The following TOGARAM1 variants were observed in gnomAD, a reference collection of about 807,000 sequenced individuals.
TOGARAM1 encodes the protein TOG array regulator of axonemal microtubules protein 1.
Under a neutral mutation model 166.6 loss-of-function variants are expected in TOGARAM1, and 100 were observed. The observed-to-expected ratio is 0.60, with a 90% CI of 0.51 to 0.71. The LOEUF (loss-of-function observed/expected upper bound fraction) is 0.71, where lower values mean the gene tolerates loss of function less well. Among genes scored for constraint, TOGARAM1 ranks in the 30% least tolerant of loss-of-function variants. The pLI is 0.00. For synonymous variants in TOGARAM1, 758 were observed against 763.8 expected (o/e 0.99, Z 0.13); for missense variants, 2,029 against 2,102.7 (o/e 0.96, Z 0.69).
chr14:45,045,609 G>A (rs1566660689), intron 13 of TOGARAM1, among the ~76,000 whole-genome samples: 15 of 88,050 alleles, frequency 1.7e-4, no homozygotes, highest in African/African-American at 7.4e-4. Context: ...GTGTGTGTGT[G>A]TGTGTGTGTA....
At chr14:44,995,986 TTAATC>T (rs1239096431) in intron 2 of TOGARAM1, 84 bp downstream of exon 2, 2 of 1,134,826 alleles carry the variant, frequency 1.8e-6, no homozygotes, top group South Asian at 1.8e-5. Context: ...TCATAGAACT[TTAATC>T]TAGTAGGCAG....
intron 16 of TOGARAM1, among the ~76,000 whole-genome samples, chr14:45,061,011 G>T (rs537612855): frequency 6.6e-6 from 1 of 152,264 alleles, no homozygotes; most frequent in Non-Finnish European, 1.5e-5. Context: ...ACCACTGAGA[G>T]ATTTTGCCTA....
Position 44,962,593 on chromosome 14 carries a change from G to A in TOGARAM1, c.172G>A (p.Gly58Ser), listed in dbSNP as rs1306090529. The stretch of plus-strand genomic sequence containing the variant: ...CTTCCGTGGAGCTGCGGGGGACCAC[G>A]GTTCCTGCCCCACTACAACTTCGCC... ...YYFRGAAGDH[G>S]SCPTTTSPLA... The change falls in exon 1 of 20, where the codon GGT becomes AGT. Residue 58 changes from glycine (G) to serine (S), a missense_variant. Gly to Ser is a moderately conservative substitution (Grantham distance 56). Around this residue, in one of 2 missense-constraint regions of TOGARAM1, gnomAD observed 1,453 missense variants for 1,432.2 expected, o/e 1.01. Transcript: ENST00000361462. 6.2e-7 allele frequency: 1 copy of A among 1,613,726 alleles called. No individual in the cohort carries two copies. Among genetic ancestry groups the A allele is most frequent in the South Asian group, 1.1e-5 (1 of 91,040 alleles).
intron 5 of TOGARAM1, chr14:45,006,875 A>G (rs1302757087): frequency 6.6e-6 from 1 of 152,098 alleles, no homozygotes; most frequent in Non-Finnish European, 1.5e-5. Context: ...ACTTATCTTT[A>G]TGAAATTGAG....
chr14:44,962,493 C>T lies in TOGARAM1; in HGVS notation c.72C>T (p.Ser24=). The change falls in exon 1 of 20, where the codon AGC becomes AGT. Residue 24 remains serine (S), a synonymous_variant. Transcript: ENST00000361462. ...TCCTCTCTACCTATCGGCTCCAGAG[C>T]CGCAGTCGTCCTTCCGCCCCAGAGA... The part of the protein sequence containing the change: ...FPVLSTYRLQ[S]RSRPSAPETD... 2 of 1,611,060 alleles carry T rather than the reference C, an allele frequency of 1.2e-6. No homozygotes were observed. Among genetic ancestry groups the T allele is most frequent in the South Asian group, 1.1e-5 (1 of 90,810 alleles).
chr14:45,051,881 A>G (rs1217008124), intron 14 of TOGARAM1, among the ~76,000 whole-genome samples: 2 of 152,090 alleles, frequency 1.3e-5, no homozygotes, highest in Admixed American at 6.6e-5. Context: ...TTAACTTACA[A>G]TGAGGTTATA....
intron 1 of TOGARAM1, among the ~76,000 whole-genome samples, chr14:44,991,576 A>G (rs185231360): frequency 1.2e-4 from 19 of 152,212 alleles, no homozygotes; most frequent in Non-Finnish European, 1.9e-4. Flanking sequence ...GTGTGTAACA[A>G]TGTTCACTGC....
rs558437510 is a variant in TOGARAM1 at position 44,964,082 on chromosome 14, A to G, written c.1661A>G (p.Asp554Gly). 9 of 1,614,172 alleles carry G rather than the reference A, an allele frequency of 5.6e-6. No homozygotes were observed. In the South Asian group the frequency reaches 6.6e-5, roughly 12 times the overall value. The change falls in exon 1 of 20, where the codon GAT becomes GGT. Residue 554 changes from aspartate to glycine, a missense_variant. Physicochemically the swap from Asp to Gly is moderately conservative, Grantham distance 94. This residue lies in a region of TOGARAM1 where 1,453 missense variants were observed against 1,432.2 expected (regional missense o/e 1.01). Transcript: ENST00000361462. ...ACCAGCATCCTTTTTAAAGCTGTGG[A>G]TACAGTTGAACTGCAAGATAATGGA... ...GKTSILFKAVDTVELQDNGDG... is the reference protein window; with the variant it reads ...GKTSILFKAVGTVELQDNGDG...
intron 9 of TOGARAM1, among the ~76,000 whole-genome samples, chr14:45,027,744 C>T (rs1880938236): frequency 6.6e-6 from 1 of 151,946 alleles, no homozygotes. Flanking sequence ...CCATGCGTGC[C>T]TATGGGCCCA....
chr14:45,007,465 A>G (rs1879519906), intron 5 of TOGARAM1: 1 of 151,980 alleles, frequency 6.6e-6, no homozygotes, highest in African/African-American at 2.4e-5. Flanking sequence ...CTTTGTTTTT[A>G]TAATAACTTA....
At chr14:45,011,785 ATGTGTGTGTGTGTG>A (rs113794576) in intron 6 of TOGARAM1, 176 bp from the exon 7 acceptor site, 4 of 414,618 alleles carry the variant, frequency 9.6e-6, no homozygotes, top group African/African-American at 8.5e-5. Flanking sequence ...CAAAATATAT[ATGTGTGTGTGTGTG>A]TGTGTGTGTG....
At position 44,963,980 on chromosome 14, in the gene TOGARAM1, T is replaced by G; in HGVS notation, c.1559T>G (p.Val520Gly). 1.2e-6 allele frequency: 2 copies of G among 1,614,210 alleles called. No individual in the cohort carries two copies. The highest frequency in any genetic ancestry group is 1.7e-6 in the Non-Finnish European group (2 of 1,180,036). ...KLSFDLAPAL[V>G]DSKRRVRQAA... ...TCCTTTGATCTTGCCCCAGCTCTTGTAGATAGCAAACGCAGGGTACGCCAA... is the reference window on the plus strand; with the variant it reads ...TCCTTTGATCTTGCCCCAGCTCTTGGAGATAGCAAACGCAGGGTACGCCAA... Residue 520 changes from valine to glycine, a missense_variant, in exon 1 of 20, where the codon GTA becomes GGA. Val to Gly is a moderately radical substitution (Grantham distance 109). This residue lies in a region of TOGARAM1 where 1,453 missense variants were observed against 1,432.2 expected (regional missense o/e 1.01). Transcript: ENST00000361462.
chr14:45,054,302 C>G, intron 15 of TOGARAM1, 129 bp from the exon 16 acceptor site: 1 of 597,004 alleles, frequency 1.7e-6, no homozygotes, highest in Non-Finnish European at 2.9e-6. Context: ...CTCTTTAAAG[C>G]ATATCAGATT....
intron 7 of TOGARAM1, among the ~76,000 whole-genome samples, chr14:45,021,917 G>A (rs2138890609): frequency 6.6e-6 from 1 of 152,236 alleles, no homozygotes; most frequent in East Asian, 1.9e-4. Flanking sequence ...TGGTTAGGAA[G>A]GGCCGTCCAT....
intron 1 of TOGARAM1, among the ~76,000 whole-genome samples, chr14:44,972,902 G>A (rs560600702): frequency 6.6e-6 from 1 of 152,142 alleles, no homozygotes; most frequent in South Asian, 2.1e-4. Context: ...ACATCATTTT[G>A]CTATAATGTT....
At chr14:45,037,382 A>G (rs1276410633) in intron 11 of TOGARAM1, among the ~76,000 whole-genome samples, 1 of 152,214 alleles carries the variant, frequency 6.6e-6, no homozygotes, top group Non-Finnish European at 1.5e-5. Context: ...CACACTCAAT[A>G]TGATCACAGG....
chr14:45,019,299 A>C (rs1880345819), intron 7 of TOGARAM1, among the ~76,000 whole-genome samples: 1 of 152,172 alleles, frequency 6.6e-6, no homozygotes, highest in African/African-American at 2.4e-5. Context: ...GGTAATTACA[A>C]ATCTTTCTGG....
intron 16 of TOGARAM1, among the ~76,000 whole-genome samples, chr14:45,061,880 T>C (rs1373552453): frequency 6.6e-6 from 1 of 152,132 alleles, no homozygotes; most frequent in African/African-American, 2.4e-5. Flanking sequence ...TGTGGTTTCT[T>C]CTTTAATACA....
chr14:44,990,816 GT>G (rs896134658), intron 1 of TOGARAM1, among the ~76,000 whole-genome samples: 1 of 151,932 alleles, frequency 6.6e-6, no homozygotes, highest in Non-Finnish European at 1.5e-5. Flanking sequence ...AACACTTTGG[GT>G]TTTTTTCTTT....
Sources: gnomAD v4.1 joint callset for allele counts (sites outside exome capture counted in the v4.1 genomes callset) on GRCh38, gnomAD v4.1.1 for gene constraint, gnomAD v4.1.1 regional missense constraint, MANE v1.5 for transcripts, NCBI Gene and HGNC (gene_info 2026-07-23, HGNC 2026-07-21) for gene names.